The following ADAMTS3 variants were observed in gnomAD, a reference collection of about 807,000 sequenced individuals.
ADAMTS3 encodes A disintegrin and metalloproteinase with thrombospondin motifs 3.
ADAMTS3 carries 73 observed loss-of-function variants against 129.0 expected under a neutral mutation model. The observed-to-expected ratio is 0.57, with a 90% CI of 0.47 to 0.69. The LOEUF is 0.69. Ranked by LOEUF, ADAMTS3 falls within the 30% of genes least tolerant of loss-of-function variation. The pLI is 0.00. For missense variants in ADAMTS3, 1,457 were observed against 1,514.5 expected, an observed-to-expected ratio of 0.96 and a Z score of 0.63; for synonymous variants, 477 against 510.8, an observed-to-expected ratio of 0.93 and a Z score of 0.89.
intron 3 of ADAMTS3, among the ~76,000 whole-genome samples, chr4:72,454,121 A>G (rs1481838773): frequency 6.6e-6 from 1 of 151,444 alleles, no homozygotes; most frequent in Non-Finnish European, 1.5e-5. Flanking sequence ...TACTGATGAA[A>G]TAAGTTAAAT....
chr4:72,419,210 T>A (rs569815712), intron 3 of ADAMTS3, among the ~76,000 whole-genome samples: 3 of 152,186 alleles, frequency 2.0e-5, no homozygotes, highest in Non-Finnish European at 4.4e-5. Context: ...CAAGGGTGTA[T>A]TCAGCTGAAT....
intron 3 of ADAMTS3, among the ~76,000 whole-genome samples, chr4:72,474,037 G>A (rs1719155277): frequency 6.6e-6 from 1 of 152,138 alleles, no homozygotes; most frequent in African/African-American, 2.4e-5. Context: ...ATCTACACCT[G>A]GCAGTAACAA....
intron 2 of ADAMTS3, among the ~76,000 whole-genome samples, chr4:72,566,413 G>A (rs1413116114): frequency 6.6e-6 from 1 of 152,084 alleles, no homozygotes; most frequent in Non-Finnish European, 1.5e-5. Flanking sequence ...GTGGCTGTGG[G>A]AATCAGTTGA....
At chr4:72,493,853 G>A (rs1719807705) in intron 3 of ADAMTS3, among the ~76,000 whole-genome samples, 1 of 151,868 alleles carries the variant, frequency 6.6e-6, no homozygotes, top group Admixed American at 6.6e-5. Flanking sequence ...ACAAAGTATA[G>A]TATTATTGTG....
chr4:72,485,536 A>C (rs971363351), intron 3 of ADAMTS3, among the ~76,000 whole-genome samples: 2 of 152,090 alleles, frequency 1.3e-5, no homozygotes, highest in Admixed American at 6.5e-5. Flanking sequence ...TCATTGGAAA[A>C]ATATGTTCAC....
intron 6 of ADAMTS3, among the ~76,000 whole-genome samples, chr4:72,321,139 C>T (rs1719543504): frequency 6.6e-6 from 1 of 152,016 alleles, no homozygotes; most frequent in African/African-American, 2.4e-5. Flanking sequence ...CACAATTTTA[C>T]CTGTGGGAAA....
At chr4:72,489,167 T>C (rs528117115) in intron 3 of ADAMTS3, among the ~76,000 whole-genome samples, 15 of 152,066 alleles carry the variant, frequency 9.9e-5, no homozygotes, top group South Asian at 4.1e-4. Flanking sequence ...CATTCATACA[T>C]TGACAGACAT....
intron 5 of ADAMTS3, among the ~76,000 whole-genome samples, chr4:72,324,466 C>T (rs1363318741): frequency 6.6e-5 from 10 of 152,058 alleles, no homozygotes; most frequent in African/African-American, 2.4e-4. Flanking sequence ...AAAAATCTGG[C>T]TAAGCTAGAA....
At chr4:72,541,793 G>A (rs1578779602) in intron 3 of ADAMTS3, among the ~76,000 whole-genome samples, 1 of 152,238 alleles carries the variant, frequency 6.6e-6, no homozygotes, top group Non-Finnish European at 1.5e-5. Flanking sequence ...CCACGATTGT[G>A]AGGCCTCCCT....
intron 4 of ADAMTS3, among the ~76,000 whole-genome samples, chr4:72,357,977 A>G (rs975372031): frequency 1.3e-5 from 2 of 152,008 alleles, no homozygotes; most frequent in African/African-American, 4.8e-5. Context: ...GAAATGATTT[A>G]TGCAAGGATG....
chr4:72,428,138 A>G (rs1486178914), intron 3 of ADAMTS3, among the ~76,000 whole-genome samples: 4 of 151,990 alleles, frequency 2.6e-5, no homozygotes, highest in Admixed American at 6.6e-5. Context: ...GAGGAAGAGG[A>G]AGAATGTTAT....
At chr4:72,367,468 C>T (rs1015031739) in intron 4 of ADAMTS3, among the ~76,000 whole-genome samples, 4 of 152,016 alleles carry the variant, frequency 2.6e-5, no homozygotes, top group East Asian at 1.9e-4. Context: ...ATATGTAACA[C>T]GTACATATAT....
chr4:72,430,999 T>C (rs6853833), intron 3 of ADAMTS3, among the ~76,000 whole-genome samples: 31 of 152,058 alleles, frequency 2.0e-4, no homozygotes, highest in African/African-American at 6.3e-4. Flanking sequence ...CATGAACTAT[T>C]AAGATTTTAA....
intron 4 of ADAMTS3, 115 bp from the exon 5 acceptor site, chr4:72,339,808 G>C: frequency 1.2e-6 from 1 of 812,798 alleles, no homozygotes; most frequent in Non-Finnish European, 2.0e-6. Context: ...TAATCACTGA[G>C]ATGTTGCTTT....
chr4:72,510,361 T>C (rs946261664), intron 3 of ADAMTS3, among the ~76,000 whole-genome samples: 1 of 152,060 alleles, frequency 6.6e-6, no homozygotes, highest in Non-Finnish European at 1.5e-5. Context: ...TATGATGTTA[T>C]ATTTGGAAAA....
chr4:72,436,862 G>C (rs1371043787), intron 3 of ADAMTS3, among the ~76,000 whole-genome samples: 1 of 151,852 alleles, frequency 6.6e-6, no homozygotes, highest in Non-Finnish European at 1.5e-5. Flanking sequence ...GTTGTGGGGT[G>C]GGGGGAGTGG....
At chr4:72,322,922 A>G (rs774139106) in intron 6 of ADAMTS3, 92 bp downstream of exon 6, 10 of 993,078 alleles carry the variant, frequency 1.0e-5, no homozygotes, top group Non-Finnish European at 1.4e-5. Flanking sequence ...GAATATATCT[A>G]TGCCTTAAGT....
intron 3 of ADAMTS3, among the ~76,000 whole-genome samples, chr4:72,470,235 A>G (rs1719031354): frequency 6.6e-6 from 1 of 151,856 alleles, no homozygotes; most frequent in Admixed American, 6.6e-5. Context: ...TTACTTGGTC[A>G]TGGGCAAAAT....
At chr4:72,476,538 G>C (rs1278657723) in intron 3 of ADAMTS3, among the ~76,000 whole-genome samples, 1 of 151,938 alleles carries the variant, frequency 6.6e-6, no homozygotes, top group Non-Finnish European at 1.5e-5. Flanking sequence ...CTACCAAATG[G>C]TTGAAGAAGA....
Sources: allele counts gnomAD v4.1 joint callset (sites outside exome capture counted in the v4.1 genomes callset), GRCh38; gene constraint gnomAD v4.1.1; transcripts MANE v1.5; gene names NCBI Gene and HGNC (gene_info 2026-07-23, HGNC 2026-07-21).